ZC4H2: variants seen among roughly 807,000 people sequenced by gnomAD.
ZC4H2 encodes zinc finger C4H2 domain-containing protein.
For synonymous variants in ZC4H2, 84 were observed against 66.3 expected (o/e 1.27, Z -1.30); for missense variants, 137 against 173.9 (o/e 0.79, Z 1.19).
intron 1 of ZC4H2, among the ~76,000 whole-genome samples, chrX:64,936,901 CAT>C (rs1216212865): frequency 4.5e-5 from 5 of 111,568 alleles, no homozygotes; most frequent in African/African-American, 1.6e-4. Flanking sequence ...TTGACAGAAT[CAT>C]ATTCACACAT....
At chrX:64,993,133 AC>A (rs1366625725) in intron 1 of ZC4H2, among the ~76,000 whole-genome samples, 2 of 112,570 alleles carry the variant, frequency 1.8e-5, no homozygotes, top group East Asian at 2.8e-4. Context: ...AACAACAAAT[AC>A]TTTTTTTGTA....
chrX:64,916,969 G>T lies in ZC4H2; in HGVS notation c.*814C>A, dbSNP rs376244033. ...AAAGCCAACACAGATGTCAGCCTGG[G>T]GGCACTCTCAGCCTAAGGAAGCCCC... is the stretch of plus-strand genomic sequence containing the variant. On this transcript the variant is annotated 3_prime_UTR_variant, in exon 5 of 5. Transcript: ENST00000374839. 3 of 112,232 alleles carry T rather than the reference G, an allele frequency of 2.7e-5. No individual in the cohort carries two copies. In the South Asian group the frequency reaches 1.1e-3, roughly 42 times the overall value. 9.2% of individuals were successfully genotyped at this position (112,232 alleles called of 1,213,427 possible).
chrX:64,946,169 A>G (rs774749163), intron 1 of ZC4H2, among the ~76,000 whole-genome samples: 1 of 110,084 alleles, frequency 9.1e-6, no homozygotes, highest in African/African-American at 3.3e-5. Flanking sequence ...AACAAAAAAA[A>G]CCTCCTCCAG....
chrX:64,952,091 G>C (rs1308698192), intron 1 of ZC4H2, among the ~76,000 whole-genome samples: 2 of 110,586 alleles, frequency 1.8e-5, no homozygotes, highest in East Asian at 5.7e-4. Flanking sequence ...TCTCAGGTTT[G>C]TCAAAGATCA....
At chrX:64,921,376 A>G (rs1316040749) in intron 2 of ZC4H2, among the ~76,000 whole-genome samples, 1 of 111,620 alleles carries the variant, frequency 9.0e-6, no homozygotes, top group East Asian at 2.8e-4. Context: ...AAGAGTTTCC[A>G]AAGGATATAT....
intron 1 of ZC4H2, among the ~76,000 whole-genome samples, chrX:65,025,180 G>A (rs376498705): frequency 3.0e-4 from 25 of 84,202 alleles, no homozygotes; most frequent in Admixed American, 2.3e-3. Context: ...TCACGGTCTC[G>A]CTCTGTCAAC....
chrX:65,005,311 C>T lies in ZC4H2; in HGVS notation c.-272+29318G>A, dbSNP rs558179392. Reference sequence around the variant, plus strand: ...AAAAAGAACAAAGCTGGAGGCATCACGCTACCTGACTTCAAACTATACTAC... The same window carrying T: ...AAAAAGAACAAAGCTGGAGGCATCATGCTACCTGACTTCAAACTATACTAC... On this transcript the variant is annotated intron_variant, in intron 1 of 4. Transcript: ENST00000337990. 1.1e-4 allele frequency among the ~76,000 whole-genome samples: 12 copies of T among 111,248 alleles called. No homozygotes were observed. In the South Asian group the frequency reaches 2.3e-3, roughly 21 times the overall value.
At chrX:64,943,494 G>C (rs1181443981) in intron 1 of ZC4H2, among the ~76,000 whole-genome samples, 1 of 111,739 alleles carries the variant, frequency 8.9e-6, no homozygotes, top group Non-Finnish European at 1.9e-5. Flanking sequence ...CTAAGAACTT[G>C]CTTTATGAAT....
At chrX:64,952,525 C>T (rs990393670) in intron 1 of ZC4H2, among the ~76,000 whole-genome samples, 2 of 110,822 alleles carry the variant, frequency 1.8e-5, no homozygotes, top group Non-Finnish European at 3.8e-5. Context: ...ACACCAATAA[C>T]AGACAAACAG....
upstream of ZC4H2, among the ~76,000 whole-genome samples, chrX:64,977,314 T>A (rs1366121785): frequency 9.1e-6 from 1 of 110,462 alleles, no homozygotes; most frequent in Non-Finnish European, 1.9e-5. Flanking sequence ...AAGGAAAGGA[T>A]GAGTGGTTCA....
At chrX:64,966,631 A>T (rs1220270082) in intron 1 of ZC4H2, among the ~76,000 whole-genome samples, 1 of 112,365 alleles carries the variant, frequency 8.9e-6, no homozygotes, top group African/African-American at 3.2e-5. Context: ...AAAAGGAATG[A>T]AATACTGTTA....
chrX:64,931,842 A>G (rs1242716121), intron 1 of ZC4H2, among the ~76,000 whole-genome samples: 1 of 111,822 alleles, frequency 8.9e-6, no homozygotes, highest in African/African-American at 3.2e-5. Flanking sequence ...GTTGGAAATA[A>G]TGTTTTGTAA....
In ZC4H2 at chrX:64,917,700, G is replaced by A; in HGVS notation, c.*83C>T. 2.6e-6 allele frequency: 3 copies of A among 1,154,140 alleles called. No individual in the cohort carries two copies. The highest frequency in any genetic ancestry group is 2.0e-5 in the South Asian group (1 of 51,121). ...TAGGAGACTTCGTGGGGTTGGGCAA[G>A]GGTTGTTTCACATCAGGACATCAAT... On this transcript the variant is annotated 3_prime_UTR_variant, in exon 5 of 5. Coordinates refer to ENST00000374839, the MANE Select transcript of ZC4H2 (RefSeq NM_018684.4).
intron 2 of ZC4H2, 123 bp from the exon 3 acceptor site, chrX:64,920,376 T>A (rs1165157865): frequency 5.9e-6 from 4 of 673,586 alleles, no homozygotes; most frequent in Non-Finnish European, 8.6e-6. Flanking sequence ...GTCCTTGATC[T>A]CCCATGCCCT....
chrX:64,919,213 A>G lies in ZC4H2; in HGVS notation c.399-9T>C. ...TCTGCTTCTCAAAGTAACTTTGGAGATGAGAGACACTGGCTAGATCATTCT... is the reference window on the plus strand; with the variant it reads ...TCTGCTTCTCAAAGTAACTTTGGAGGTGAGAGACACTGGCTAGATCATTCT... On this transcript the variant is annotated splice_polypyrimidine_tract_variant and intron_variant, in intron 3 of 4. Transcript: ENST00000374839. 8.3e-7 allele frequency: 1 copy of G among 1,210,464 alleles called. No individual in the cohort carries two copies. The highest frequency in any genetic ancestry group is 1.8e-5 in the South Asian group (1 of 56,901).
intron 1 of ZC4H2, among the ~76,000 whole-genome samples, chrX:65,034,002 T>A (rs2147300904): frequency 9.2e-6 from 1 of 109,050 alleles, no homozygotes; most frequent in South Asian, 4.1e-4. Context: ...AGCAGGAGAA[T>A]TTCTTGAACC....
At position 64,937,232 on chromosome X, in the gene ZC4H2, G is replaced by A. The variant is rs1974173426; in HGVS notation, c.54-15244C>T. ...TAGAGGGATCAATGCAACAAGAGGA[G>A]CTAACTATTCTAAATATATATGCAC... is the stretch of plus-strand genomic sequence containing the variant. On this transcript the variant is annotated intron_variant, in intron 1 of 4. Transcript: ENST00000374839. Among the ~76,000 whole-genome samples, 7 of 111,159 alleles carry A rather than the reference G, an allele frequency of 6.3e-5. No homozygotes were observed. In the South Asian group the frequency reaches 2.6e-3, roughly 42 times the overall value.
In ZC4H2 at chrX:64,917,426, C is replaced by G. The variant is rs1028721050; in HGVS notation, c.*357G>C. 1 of 150,407 alleles carries G rather than the reference C, an allele frequency of 6.6e-6. No individual in the cohort carries two copies. The highest frequency in any genetic ancestry group is 3.1e-5 in the African/African-American group (1 of 31,769). 12.4% of individuals were successfully genotyped at this position (150,407 alleles called of 1,213,427 possible). ...TACCTGAAACAAGATATGGGCCTCC[C>G]CTGCCCCTCAGACCCTACAGCTCCT... On this transcript the variant is annotated 3_prime_UTR_variant, in exon 5 of 5. Transcript: ENST00000374839.
At chrX:64,992,174 A>G (rs779139020) in intron 1 of ZC4H2, among the ~76,000 whole-genome samples, 5 of 112,014 alleles carry the variant, frequency 4.5e-5, no homozygotes, top group Non-Finnish European at 9.4e-5. Flanking sequence ...GGTGAGTTAT[A>G]TCTTCATAAA....
Sources: allele counts gnomAD v4.1 joint callset (sites outside exome capture counted in the v4.1 genomes callset), GRCh38; gene constraint gnomAD v4.1.1; transcripts MANE v1.5; gene names NCBI Gene and HGNC (gene_info 2026-07-23, HGNC 2026-07-21).